ARAP2: variants seen among roughly 807,000 people sequenced by gnomAD.
The protein encoded by ARAP2 is ArfGAP with RhoGAP domain, ankyrin repeat and PH domain 2.
A neutral mutation model predicts 194.5 loss-of-function variants in ARAP2; 148 were observed. The ratio of observed to expected loss-of-function variants is 0.76; its 90% CI spans 0.67 to 0.87. The LOEUF is 0.87. Among genes scored for constraint, ARAP2 ranks in the 40% least tolerant of loss-of-function variants. ARAP2 has a pLI of 0.00. For missense variants in ARAP2, 2,128 were observed against 1,989.7 expected, an observed-to-expected ratio of 1.07 and a Z score of -1.32; for synonymous variants, 695 against 683.5, an observed-to-expected ratio of 1.02 and a Z score of -0.26.
At chr4:36,109,235 C>T (rs983938637) in intron 26 of ARAP2, among the ~76,000 whole-genome samples, 20 of 151,842 alleles carry the variant, frequency 1.3e-4, no homozygotes, top group Non-Finnish European at 2.7e-4. Context: ...AAATCCAATT[C>T]TGCATTCTGT....
Position 36,095,632 on chromosome 4 carries a change from T to C in ARAP2, c.4286-3612A>G, listed in dbSNP as rs76459242. ...TGTATTTCATGGGCAAAACTGACAA[T>C]GTGCCACACGTAGAAATCATTTCAA... On this transcript the variant is annotated intron_variant, in intron 27 of 32. Transcript: ENST00000303965. Among the ~76,000 whole-genome samples, 474 of 152,302 alleles carry C rather than the reference T, an allele frequency of 3.1e-3. 4 individuals carry two copies. The highest frequency in any genetic ancestry group is 5.2e-3 in the Non-Finnish European group (354 of 68,014).
intron 19 of ARAP2, among the ~76,000 whole-genome samples, chr4:36,136,973 T>C (rs1726988320): frequency 6.6e-6 from 1 of 151,618 alleles, no homozygotes. Context: ...CACGTATATA[T>C]GTAAAATCAA....
rs1398195096 is a variant in ARAP2, at chr4:36,193,632, T to C, written c.1503A>G (p.Gln501=). 2.5e-6 allele frequency: 4 copies of C among 1,603,930 alleles called. No individual in the cohort carries two copies. The Admixed American group carries it at 5.1e-5, about 21-fold the overall frequency. ...GGCCATCAAATTTCACCCATCTCTT[T>C]TGAAACATGCGTTTTCTGCAAAACA... ...KLSPQGKRMF[Q]KRWVKFDGLS... is the part of the protein sequence containing the mutation. Residue 501 remains glutamine, a synonymous_variant, in exon 7 of 33, where the codon CAA becomes CAG. Transcript: ENST00000303965.
rs542380079 is a variant in ARAP2 at position 36,235,060 on chromosome 4, T to C, written c.-159-5415A>G. ...CTCAATAAACAGCACCTTTTTACTT[T>C]ACTGTGCTATACCTTTAAACTACAT... On this transcript the variant is annotated intron_variant, in intron 1 of 32. Coordinates refer to ENST00000303965, the MANE Select transcript of ARAP2 (RefSeq NM_015230.4). Among the ~76,000 whole-genome samples the C allele has an allele frequency of 2.0e-5, 3 of 152,312 alleles. No individual in the cohort carries two copies. In the East Asian group the frequency reaches 5.8e-4, roughly 29 times the overall value.
chr4:36,214,326 T>C (rs1340940134), intron 3 of ARAP2, 96 bp downstream of exon 3: 9 of 917,342 alleles, frequency 9.8e-6, no homozygotes, highest in Admixed American at 4.7e-5. Flanking sequence ...TTGTTCCCTA[T>C]ACCACAGGTG....
At chr4:36,232,095 G>T (rs1457479877) in intron 1 of ARAP2, among the ~76,000 whole-genome samples, 1 of 152,204 alleles carries the variant, frequency 6.6e-6, no homozygotes, top group African/African-American at 2.4e-5. Context: ...AAACTTATCA[G>T]CTGGCAAATG....
intron 32 of ARAP2, among the ~76,000 whole-genome samples, chr4:36,072,689 A>G (rs11096797): frequency 6.9e-6 from 1 of 144,988 alleles, no homozygotes; most frequent in Non-Finnish European, 1.5e-5. Flanking sequence ...CCCAAAAAAA[A>G]CAAAAAAAAA....
At chr4:36,126,541 G>A (rs1723954086) in intron 21 of ARAP2, among the ~76,000 whole-genome samples, 1 of 151,960 alleles carries the variant, frequency 6.6e-6, no homozygotes, top group Non-Finnish European at 1.5e-5. Flanking sequence ...CAGGTATACA[G>A]TACATCAAAA....
At chr4:36,205,637 A>T (rs1193979133) in intron 6 of ARAP2, among the ~76,000 whole-genome samples, 5 of 152,040 alleles carry the variant, frequency 3.3e-5, no homozygotes, top group African/African-American at 1.2e-4. Context: ...TTTATTGAGC[A>T]TCAATTAAGA....
chr4:36,039,637 G>T (rs1227372132), intron 5 of ARAP2, among the ~76,000 whole-genome samples: 1 of 152,126 alleles, frequency 6.6e-6, no homozygotes, highest in Non-Finnish European at 1.5e-5. Flanking sequence ...CCCAAGCCTT[G>T]TGACGATCAT....
At chr4:36,129,820 A>T (rs1294750049) in intron 20 of ARAP2, among the ~76,000 whole-genome samples, 1 of 148,676 alleles carries the variant, frequency 6.7e-6, no homozygotes, top group African/African-American at 2.4e-5. Context: ...ATATATACAC[A>T]TACCATTACA....
chr4:36,097,005 C>T (rs1715499719), intron 27 of ARAP2, among the ~76,000 whole-genome samples: 1 of 152,048 alleles, frequency 6.6e-6, no homozygotes, highest in African/African-American at 2.4e-5. Context: ...CCATTCACAC[C>T]TTCTGACAGT....
intron 20 of ARAP2, among the ~76,000 whole-genome samples, chr4:36,131,022 GTCA>G (rs1725308644): frequency 6.6e-6 from 1 of 151,804 alleles, no homozygotes; most frequent in Non-Finnish European, 1.5e-5. Context: ...TATGAACTCA[GTCA>G]AGTTCAAACC....
intron 9 of ARAP2, among the ~76,000 whole-genome samples, chr4:36,172,175 T>G (rs1465213597): frequency 6.6e-6 from 1 of 152,176 alleles, no homozygotes; most frequent in Admixed American, 6.5e-5. Flanking sequence ...AAAATAACAA[T>G]GGCTATGCTT....
At chr4:36,082,040 T>A (rs547674815) in intron 30 of ARAP2, among the ~76,000 whole-genome samples, 2 of 152,122 alleles carry the variant, frequency 1.3e-5, no homozygotes, top group Admixed American at 1.3e-4. Flanking sequence ...TAGTTTCACT[T>A]CAGAGGCATT....
At chr4:36,210,110 G>T (rs140646556) in intron 6 of ARAP2, among the ~76,000 whole-genome samples, 3 of 152,066 alleles carry the variant, frequency 2.0e-5, no homozygotes, top group African/African-American at 7.2e-5. Flanking sequence ...ATTTTGATGC[G>T]AACTTAGAAG....
rs115578618 is a variant in ARAP2 at position 36,026,414 on chromosome 4, T to A, written n.608-7128A>T. Among the ~76,000 whole-genome samples, 1,363 of 152,348 alleles carry A rather than the reference T, an allele frequency of 8.9e-3. 15 individuals carry two copies. Among genetic ancestry groups the A allele is most frequent in the African/African-American group, 0.031 (1,294 of 41,586 alleles). ...TACCTTCTCCCATTGCTTGCTTTGC[T>A]GTGCTGGTTTTTTGTAGCTTCAATT... On this transcript the variant is annotated intron_variant and non_coding_transcript_variant, in intron 5 of 12. Coordinates refer to the ARAP2 transcript ENST00000503225.
intron 3 of ARAP2, among the ~76,000 whole-genome samples, chr4:36,048,521 G>T (rs1350494439): frequency 6.6e-6 from 1 of 152,020 alleles, no homozygotes; most frequent in Non-Finnish European, 1.5e-5. Flanking sequence ...GATGCATGTT[G>T]CTGCAAAGGA....
chr4:36,122,357 T>C (rs1391176494), intron 22 of ARAP2, among the ~76,000 whole-genome samples: 1 of 151,614 alleles, frequency 6.6e-6, no homozygotes, highest in African/African-American at 2.4e-5. Context: ...CCAAAGACAT[T>C]AAATCAAACC....
Sources: gnomAD v4.1 joint callset for allele counts (sites outside exome capture counted in the v4.1 genomes callset) on GRCh38, gnomAD v4.1.1 for gene constraint, MANE v1.5 for transcripts, NCBI Gene and HGNC (gene_info 2026-07-23, HGNC 2026-07-21) for gene names.